The following SPOPL variants were observed in gnomAD, a reference collection of about 807,000 sequenced individuals.
SPOPL encodes speckle-type POZ protein-like.
A neutral mutation model predicts 53.8 loss-of-function variants in SPOPL; 23 were observed. The ratio of observed to expected loss-of-function variants is 0.43; its 90% CI spans 0.31 to 0.61. The LOEUF (loss-of-function observed/expected upper bound fraction) is 0.61. Among genes scored for constraint, SPOPL ranks in the 20% least tolerant of loss-of-function variants. SPOPL has a pLI of 0.12. For missense variants in SPOPL, 442 were observed against 466.9 expected (o/e 0.95, Z 0.49); for synonymous variants, 164 against 149.7 (o/e 1.10, Z -0.70).
At chr2:138,555,480 C>T (rs984012202) in intron 5 of SPOPL, among the ~76,000 whole-genome samples, 8 of 151,768 alleles carry the variant, frequency 5.3e-5, no homozygotes, top group African/African-American at 1.9e-4. Flanking sequence ...TTAAATGACA[C>T]CAATCTATGA....
chr2:138,513,465 G>A (rs1333836353), intron 1 of SPOPL, among the ~76,000 whole-genome samples: 5 of 152,046 alleles, frequency 3.3e-5, no homozygotes, highest in South Asian at 2.1e-4. Flanking sequence ...AGGCAGGAGC[G>A]CTTGAACCTG....
Position 138,504,050 on chromosome 2 carries a change from A to T in SPOPL, c.-61+1931A>T, listed in dbSNP as rs575216219. 3.3e-5 allele frequency among the ~76,000 whole-genome samples: 5 copies of T among 152,350 alleles called. No homozygotes were observed. In the South Asian group the frequency reaches 1.0e-3, roughly 32 times the overall value. On this transcript the variant is annotated intron_variant, in intron 1 of 10. Coordinates refer to ENST00000280098, the MANE Select transcript of SPOPL (RefSeq NM_001001664.3). ...ACTGTTGCTTACTTATTACATTTTT[A>T]AAGGACTCACATTAAAAGATCTGAA... is the stretch of plus-strand genomic sequence containing the variant.
chr2:138,504,814 T>C (rs1197798340), intron 1 of SPOPL, among the ~76,000 whole-genome samples: 1 of 152,246 alleles, frequency 6.6e-6, no homozygotes, highest in Non-Finnish European at 1.5e-5. Context: ...GAAAAGCTCC[T>C]GTACAGAGAA....
chr2:138,548,155 G>A (rs907774870), intron 1 of SPOPL, among the ~76,000 whole-genome samples: 1 of 151,652 alleles, frequency 6.6e-6, no homozygotes, highest in African/African-American at 2.4e-5. Context: ...AGGGTTTGAC[G>A]GTTTAAAATA....
intron 1 of SPOPL, among the ~76,000 whole-genome samples, chr2:138,504,944 A>T (rs1444102474): frequency 6.6e-6 from 1 of 152,154 alleles, no homozygotes; most frequent in Non-Finnish European, 1.5e-5. Context: ...TTTTATTCCT[A>T]TTTTACAAAT....
At chr2:138,551,755 A>G (rs1290194751) in intron 4 of SPOPL, among the ~76,000 whole-genome samples, 1 of 152,040 alleles carries the variant, frequency 6.6e-6, no homozygotes, top group East Asian at 1.9e-4. Context: ...TCTCACCTTA[A>G]GATAGTGGAG....
rs72984636 is a variant in SPOPL, at chr2:138,520,655, C to A, written c.-61+18536C>A. Among the ~76,000 whole-genome samples the A allele has an allele frequency of 8.4e-3, 1,278 of 152,108 alleles. 24 individuals are homozygous for A. The highest frequency in any genetic ancestry group is 0.029 in the African/African-American group (1,209 of 41,492). ...TGGCCTACATTAGTGTAGGTTCCCC[C>A]AAAATACTCAAATGGGTCAATGAAT... On this transcript the variant is annotated intron_variant, in intron 1 of 10. Coordinates refer to ENST00000280098, the MANE Select transcript of SPOPL (RefSeq NM_001001664.3).
chr2:138,550,826 T>TG, intron 3 of SPOPL, 77 bp from the exon 4 acceptor site: 7 of 1,465,684 alleles, frequency 4.8e-6, no homozygotes, highest in Non-Finnish European at 6.4e-6. Context: ...TCTCTCTCTC[T>TG]TTCTCTCTCT....
chr2:138,559,242 G>T, intron 6 of SPOPL, 40 bp from the exon 7 acceptor site: 1 of 1,610,168 alleles, frequency 6.2e-7, no homozygotes, highest in Non-Finnish European at 8.5e-7. Context: ...TTAAAAAAAT[G>T]CATTTATGCA....
intron 1 of SPOPL, among the ~76,000 whole-genome samples, chr2:138,540,345 C>T (rs1685042368): frequency 6.6e-6 from 1 of 152,160 alleles, no homozygotes; most frequent in Admixed American, 6.5e-5. Context: ...GCAGTATGGC[C>T]ATTTTCACGA....
intron 1 of SPOPL, among the ~76,000 whole-genome samples, chr2:138,540,540 C>T (rs1467187497): frequency 6.6e-6 from 1 of 151,646 alleles, no homozygotes; most frequent in African/African-American, 2.4e-5. Context: ...TGATTTGGTT[C>T]TCTGTCTGTT....
At chr2:138,509,942 A>G (rs1260830912) in intron 1 of SPOPL, among the ~76,000 whole-genome samples, 8 of 152,148 alleles carry the variant, frequency 5.3e-5, no homozygotes, top group Non-Finnish European at 8.8e-5. Context: ...CCTGACAACC[A>G]TTGATCTTTT....
At chr2:138,530,945 G>GTGTA (rs1164330914) in intron 1 of SPOPL, among the ~76,000 whole-genome samples, 1 of 151,716 alleles carries the variant, frequency 6.6e-6, no homozygotes, top group East Asian at 1.9e-4. Context: ...GTGTGTGTGT[G>GTGTA]TGTGTGTTTT....
intron 5 of SPOPL, among the ~76,000 whole-genome samples, chr2:138,557,886 G>T (rs1222121589): frequency 1.3e-5 from 2 of 152,052 alleles, no homozygotes; most frequent in Non-Finnish European, 2.9e-5. Context: ...CAGCCAGGTG[G>T]TATGGCTCAC....
Position 138,524,239 on chromosome 2 carries a change from C to T in SPOPL, c.-61+22120C>T, listed in dbSNP as rs191258344. ...CACAGCCTGAGCTGTACCTTGACCC[C>T]GTTTAGTCACAGCTGGAGCGGCTGG... is the stretch of plus-strand genomic sequence containing the variant. On this transcript the variant is annotated intron_variant, in intron 1 of 10. Transcript: ENST00000280098. Among the ~76,000 whole-genome samples, 262 of 152,318 alleles carry T rather than the reference C, an allele frequency of 1.7e-3. 1 individual carries two copies. The highest frequency in any genetic ancestry group is 6.0e-3 in the African/African-American group (249 of 41,570).
chr2:138,545,311 G>A (rs1048277635), intron 1 of SPOPL, among the ~76,000 whole-genome samples: 16 of 152,158 alleles, frequency 1.1e-4, no homozygotes, highest in African/African-American at 3.4e-4. Context: ...TGATGACTTG[G>A]GCGGACCACC....
intron 1 of SPOPL, among the ~76,000 whole-genome samples, chr2:138,531,190 C>A (rs1486038364): frequency 1.3e-5 from 2 of 151,598 alleles, no homozygotes; most frequent in African/African-American, 2.4e-5. Flanking sequence ...TATTTACAAT[C>A]TTTCCCTTTT....
At chr2:138,531,950 T>C (rs1178118038) in intron 1 of SPOPL, among the ~76,000 whole-genome samples, 1 of 152,242 alleles carries the variant, frequency 6.6e-6, no homozygotes, top group Non-Finnish European at 1.5e-5. Context: ...GTGTGGGAGC[T>C]GATAACTTTT....
chr2:138,541,474 G>A (rs566379819), intron 1 of SPOPL, among the ~76,000 whole-genome samples: 115 of 146,672 alleles, frequency 7.8e-4, no homozygotes, highest in African/African-American at 2.8e-3. Flanking sequence ...AGTCTTGGGA[G>A]GGTGTATGTG....
Sources: gnomAD v4.1 joint callset for allele counts (sites outside exome capture counted in the v4.1 genomes callset) on GRCh38, gnomAD v4.1.1 for gene constraint, MANE v1.5 for transcripts, NCBI Gene and HGNC (gene_info 2026-07-23, HGNC 2026-07-21) for gene names.